KBTBD12: variants seen among roughly 807,000 people sequenced by gnomAD.
KBTBD12 encodes the protein kelch repeat and BTB domain containing 12.
Under a neutral mutation model 58.7 loss-of-function variants are expected in KBTBD12, and 53 were observed. The observed-to-expected ratio is 0.90, with a 90% CI of 0.72 to 1.14. The LOEUF (loss-of-function observed/expected upper bound fraction) is 1.14. Ranked by LOEUF, KBTBD12 falls within the 50% of genes most tolerant of loss-of-function variation. KBTBD12 has a pLI of 0.00. For missense variants in KBTBD12, 704 were observed against 751.3 expected (o/e 0.94, Z 0.74); for synonymous variants, 236 against 259.8 (o/e 0.91, Z 0.88).
intron 5 of KBTBD12, among the ~76,000 whole-genome samples, chr3:127,964,231 G>A (rs1940515035): frequency 6.6e-6 from 1 of 152,078 alleles, no homozygotes; most frequent in Non-Finnish European, 1.5e-5. Flanking sequence ...TGTGCCTCAA[G>A]AGCACTTAGA....
intron 5 of KBTBD12, among the ~76,000 whole-genome samples, chr3:127,974,557 TC>T (rs1940743557): frequency 6.6e-6 from 1 of 152,160 alleles, no homozygotes; most frequent in African/African-American, 2.4e-5. Context: ...TAAGATCCCA[TC>T]CCCAAATCCT....
At chr3:127,940,365 T>C (rs780566526) in intron 4 of KBTBD12, among the ~76,000 whole-genome samples, 1 of 152,064 alleles carries the variant, frequency 6.6e-6, no homozygotes, top group Non-Finnish European at 1.5e-5. Flanking sequence ...TAACAAAATT[T>C]AAGGAAGTAA....
intron 4 of KBTBD12, among the ~76,000 whole-genome samples, chr3:127,944,985 C>A (rs547873445): frequency 2.0e-5 from 3 of 151,448 alleles, no homozygotes; most frequent in Non-Finnish European, 2.9e-5. Flanking sequence ...GGCTCAGGTG[C>A]TCTTCCCACC....
intron 5 of KBTBD12, among the ~76,000 whole-genome samples, chr3:127,977,524 T>C (rs954826799): frequency 6.6e-6 from 1 of 152,258 alleles, no homozygotes; most frequent in Admixed American, 6.5e-5. Context: ...ATAGCCATTA[T>C]GACTGGTGTG....
rs747541296 is a variant in KBTBD12, at chr3:127,923,966, A to G, written c.905A>G (p.Asp302Gly). 2.5e-6 allele frequency: 4 copies of G among 1,613,774 alleles called. No homozygotes were observed. In the African/African-American group the frequency reaches 4.0e-5, roughly 16 times the overall value. ...TATGGGGATGCCAGTTTTTGTTATG[A>G]TCCTGTATCACGGAAAACCTATTTC... Reference protein sequence around the residue: ...RSYGDASFCYDPVSRKTYFIS... With the variant: ...RSYGDASFCYGPVSRKTYFIS... The change falls in exon 2 of 6, where the codon GAT becomes GGT. Residue 302 changes from aspartate to glycine, a missense_variant. Coordinates refer to ENST00000405109, the MANE Select transcript of KBTBD12 (RefSeq NM_207335.4).
Position 127,984,538 on chromosome 3 carries a change from G to A in KBTBD12, c.*260G>A. The A allele has an allele frequency of 2.8e-6, 1 of 352,376 alleles. No homozygotes were observed. Among genetic ancestry groups the A allele is most frequent in the Non-Finnish European group, 5.3e-6 (1 of 190,128 alleles). 21.8% of individuals were successfully genotyped at this position (352,376 alleles called of 1,614,324 possible). On this transcript the variant is annotated 3_prime_UTR_variant, in exon 6 of 6. Transcript: ENST00000405109. ...AGGGGCACAGGGCCACAGGAGAGCA[G>A]CAGAGGGAGGGTCTCACTCTGCTGG...
intron 5 of KBTBD12, among the ~76,000 whole-genome samples, chr3:127,969,952 T>C (rs1288975329): frequency 6.6e-6 from 1 of 151,902 alleles, no homozygotes; most frequent in Non-Finnish European, 1.5e-5. Context: ...AAAAGATAAA[T>C]TGTACATCAA....
chr3:127,934,139 G>A (rs1939771534), intron 4 of KBTBD12, among the ~76,000 whole-genome samples: 1 of 152,004 alleles, frequency 6.6e-6, no homozygotes, highest in African/African-American at 2.4e-5. Context: ...AGGAGGCAAA[G>A]GCAAAGTCTT....
At chr3:127,938,658 C>A (rs1036242064) in intron 4 of KBTBD12, among the ~76,000 whole-genome samples, 2 of 152,052 alleles carry the variant, frequency 1.3e-5, no homozygotes, top group African/African-American at 4.8e-5. Flanking sequence ...GAAAACCAAC[C>A]GTATTCTGTT....
intron 1 of KBTBD12, among the ~76,000 whole-genome samples, chr3:127,920,722 C>A (rs1286311711): frequency 6.6e-6 from 1 of 151,422 alleles, no homozygotes; most frequent in Non-Finnish European, 1.5e-5. Context: ...TACAGTGGTC[C>A]ATTTCTCAAA....
In KBTBD12 at chr3:127,964,300, G is replaced by A. The variant is rs191803592; in HGVS notation, c.1690+914G>A. 6.6e-5 allele frequency among the ~76,000 whole-genome samples: 10 copies of A among 152,134 alleles called. No individual in the cohort carries two copies. In the East Asian group the frequency reaches 7.7e-4, roughly 12 times the overall value. On this transcript the variant is annotated intron_variant, in intron 5 of 5. Coordinates refer to ENST00000405109, the MANE Select transcript of KBTBD12 (RefSeq NM_207335.4). ...ATACTGCAGCAAAGCAGAGCCTTTC[G>A]CAAGCCTGCCTTCACTCTTTAAGCA...
chr3:127,957,479 T>G (rs531587550), intron 4 of KBTBD12, among the ~76,000 whole-genome samples: 1 of 152,312 alleles, frequency 6.6e-6, no homozygotes, highest in African/African-American at 2.4e-5. Context: ...GGGGAAAAGA[T>G]GAGCCCAACA....
chr3:127,926,697 C>A (rs1939574609), intron 2 of KBTBD12, among the ~76,000 whole-genome samples: 1 of 152,146 alleles, frequency 6.6e-6, no homozygotes, highest in Non-Finnish European at 1.5e-5. Flanking sequence ...GTGTTAAATG[C>A]AAAATAAGTC....
At chr3:127,919,195 A>G (rs2107585422) in intron 1 of KBTBD12, among the ~76,000 whole-genome samples, 1 of 152,210 alleles carries the variant, frequency 6.6e-6, no homozygotes, top group East Asian at 1.9e-4. Context: ...GCTACTCACT[A>G]TACTGAATTT....
At position 127,975,790 on chromosome 3, in the gene KBTBD12, G is replaced by A. The variant is rs376718399; in HGVS notation, c.1691-8307G>A. Among the ~76,000 whole-genome samples, 12 of 152,344 alleles carry A rather than the reference G, an allele frequency of 7.9e-5. No individual in the cohort carries two copies. In the East Asian group the frequency reaches 9.6e-4, roughly 12 times the overall value. ...CTCTATCAAGCTAGGAAAGGCTAAA[G>A]AGGTCTGCTGTTGGCTTTGGACTTT... On this transcript the variant is annotated intron_variant, in intron 5 of 5. Transcript: ENST00000405109.
rs1011043313 is a variant in KBTBD12 at position 127,986,065 on chromosome 3, C to T, written c.*1787C>T. 3 of 152,638 alleles carry T rather than the reference C, an allele frequency of 2.0e-5. No individual in the cohort carries two copies. Among genetic ancestry groups the T allele is most frequent in the Non-Finnish European group, 2.9e-5 (2 of 68,078 alleles). The allele number at this position is 152,638 out of a possible 1,614,324, so 9.5% of individuals were successfully genotyped here. On this transcript the variant is annotated 3_prime_UTR_variant, in exon 6 of 6. Coordinates refer to ENST00000405109, the MANE Select transcript of KBTBD12 (RefSeq NM_207335.4). ...ATTCCTCTTCACATAGTCACTCCACCTGCTCCACCTGCTTGAAAAGTCCAG... is the reference window on the plus strand; with the variant it reads ...ATTCCTCTTCACATAGTCACTCCACTTGCTCCACCTGCTTGAAAAGTCCAG...
intron 4 of KBTBD12, among the ~76,000 whole-genome samples, chr3:127,954,750 C>T (rs754025700): frequency 1.3e-5 from 2 of 152,212 alleles, no homozygotes; most frequent in African/African-American, 2.4e-5. Flanking sequence ...CTCCTCCTGC[C>T]ACTCCTCCAC....
intron 4 of KBTBD12, among the ~76,000 whole-genome samples, chr3:127,960,777 T>A (rs1214325308): frequency 6.6e-6 from 1 of 152,220 alleles, no homozygotes; most frequent in East Asian, 1.9e-4. Flanking sequence ...TGTCACTCCT[T>A]GAGTGGAGCG....
intron 5 of KBTBD12, among the ~76,000 whole-genome samples, chr3:127,972,420 G>A (rs191664119): frequency 1.3e-5 from 2 of 151,508 alleles, no homozygotes; most frequent in East Asian, 2.0e-4. Context: ...AGGGTTAAGA[G>A]CCTGGCTGAT....
Sources: gnomAD v4.1 joint callset for allele counts (sites outside exome capture counted in the v4.1 genomes callset) on GRCh38, gnomAD v4.1.1 for gene constraint, MANE v1.5 for transcripts, NCBI Gene and HGNC (gene_info 2026-07-23, HGNC 2026-07-21) for gene names.